The following FUT8 variants were observed in gnomAD, a reference collection of about 807,000 sequenced individuals.
The protein encoded by FUT8 is fucosyltransferase 8.
Under a neutral mutation model 71.3 loss-of-function variants are expected in FUT8, and 29 were observed. The observed-to-expected ratio is 0.41, with a 90% CI of 0.30 to 0.55. FUT8 has a LOEUF of 0.55. Ranked by LOEUF, FUT8 falls within the 20% of genes least tolerant of loss-of-function variation. The pLI is 0.34. For synonymous variants in FUT8, 254 were observed against 239.3 expected (o/e 1.06, Z -0.57); for missense variants, 544 against 702.1 (o/e 0.77, Z 2.55).
At chr14:65,708,968 T>C (rs1894688246) in intron 7 of FUT8, among the ~76,000 whole-genome samples, 1 of 152,196 alleles carries the variant, frequency 6.6e-6, no homozygotes, top group African/African-American at 2.4e-5. Context: ...AATAATAATG[T>C]ATATTTCAAA....
chr14:65,396,129 G>A, the FUT8 span, among the ~76,000 whole-genome samples: 685 of 152,208 alleles, frequency 4.5e-3, 2 homozygotes, highest in Admixed American at 8.5e-3. This position sits in a 1 kb window ranked among gnomAD's most constrained non-coding sequence, Gnocchi z 5.5. Context: ...CAGCATTTTG[G>A]TCACAGACAT....
chr14:65,421,196 A>AG (rs1491054587), intron 1 of FUT8, among the ~76,000 whole-genome samples: 2 of 12,196 alleles, frequency 1.6e-4, no homozygotes, highest in African/African-American at 4.3e-4. Context: ...CATCTCAGGA[A>AG]AAAAAAAAAA....
rs2066368535 is a variant in FUT8 at position 65,483,832 on chromosome 14, A to G, written c.-228+28114A>G. Among the ~76,000 whole-genome samples the G allele has an allele frequency of 6.6e-6, 1 of 151,938 alleles. No homozygotes were observed. Among genetic ancestry groups the G allele is most frequent in the Non-Finnish European group, 1.5e-5 (1 of 68,010 alleles). ...ACTGCAACCTTCACCTTCTGGTTTC[A>G]AGTGATTCTTCTGACTCAGCCTCCT... On this transcript the variant is annotated intron_variant, in intron 2 of 10. Coordinates refer to ENST00000673929, the MANE Select transcript of FUT8 (RefSeq NM_001371533.1). This position sits in a 1 kb window ranked among gnomAD's most constrained non-coding sequence, Gnocchi z 4.4.
At chr14:65,502,663 T>C (rs1036345630) in intron 2 of FUT8, among the ~76,000 whole-genome samples, 4 of 152,178 alleles carry the variant, frequency 2.6e-5, no homozygotes, top group Non-Finnish European at 4.4e-5. Flanking sequence ...TAAATAATGG[T>C]AAAAGTAATG....
At chr14:65,665,947 G>C (rs946362978) in intron 6 of FUT8, among the ~76,000 whole-genome samples, 3 of 152,084 alleles carry the variant, frequency 2.0e-5, no homozygotes, top group African/African-American at 7.2e-5. Context: ...GACAATGGGA[G>C]GAGGGAGAGG....
intron 3 of FUT8, among the ~76,000 whole-genome samples, chr14:65,569,596 ATC>A (rs1178999875): frequency 1.3e-5 from 2 of 151,474 alleles, no homozygotes; most frequent in African/African-American, 2.4e-5. Flanking sequence ...TCCATTTTTC[ATC>A]TGTCTTGTCC....
chr14:65,629,043 C>T (rs1890037060), intron 5 of FUT8, among the ~76,000 whole-genome samples: 1 of 152,066 alleles, frequency 6.6e-6, no homozygotes, highest in Non-Finnish European at 1.5e-5. Context: ...TAAAAATTTT[C>T]CTCTGATCTT....
intron 6 of FUT8, among the ~76,000 whole-genome samples, chr14:65,656,616 A>C (rs1276089740): frequency 6.6e-6 from 1 of 152,226 alleles, no homozygotes; most frequent in African/African-American, 2.4e-5. Flanking sequence ...CACTCTTCAC[A>C]GAAATAGAAA....
chr14:65,724,193 C>T lies in FUT8; in HGVS notation c.1129C>T (p.His377Tyr). ...CAAAGTGGGAACAGAAGCTGCCTTC[C>T]ATCCCATTGAAGAGTACATGGTGCA... Reference protein sequence around the residue: ...TDKVGTEAAFHPIEEYMVHVE... With the variant: ...TDKVGTEAAFYPIEEYMVHVE... The change falls in exon 9 of 11, where the codon CAT becomes TAT. Residue 377 changes from histidine (H) to tyrosine (Y), a missense_variant. Coordinates refer to ENST00000673929, the MANE Select transcript of FUT8 (RefSeq NM_001371533.1). 1 of 1,607,376 alleles carries T rather than the reference C, an allele frequency of 6.2e-7. No homozygotes were observed. Among genetic ancestry groups the T allele is most frequent in the Middle Eastern group, 1.7e-4 (1 of 6,034 alleles).
Position 65,685,492 on chromosome 14 carries a change from A to G in FUT8, c.835+16012A>G, listed in dbSNP as rs79075499. Among the ~76,000 whole-genome samples the G allele has an allele frequency of 1.2e-3, 185 of 152,330 alleles. 5 individuals carry two copies. The East Asian group carries it at 0.032, about 27-fold the overall frequency. ...GAAAGGGGGTCCCAATCCAGACCCC[A>G]AGAGAGGGTTCTTGGATCTCACACG... On this transcript the variant is annotated intron_variant, in intron 7 of 10. Coordinates refer to ENST00000673929, the MANE Select transcript of FUT8 (RefSeq NM_001371533.1).
At chr14:65,737,584 A>G (rs991654116) in intron 10 of FUT8, among the ~76,000 whole-genome samples, 7 of 152,148 alleles carry the variant, frequency 4.6e-5, no homozygotes, top group African/African-American at 1.2e-4. Context: ...TAGGCACAGT[A>G]TCAGAAAGGT....
At chr14:65,501,853 T>G (rs1330430517) in intron 2 of FUT8, among the ~76,000 whole-genome samples, 1 of 151,798 alleles carries the variant, frequency 6.6e-6, no homozygotes, top group Non-Finnish European at 1.5e-5. Context: ...AAAATTAATT[T>G]GTTTAGTTAA....
chr14:65,693,361 G>C (rs1328435323), intron 7 of FUT8, among the ~76,000 whole-genome samples: 2 of 152,250 alleles, frequency 1.3e-5, no homozygotes, highest in Admixed American at 1.3e-4. Context: ...ACGAAAACCA[G>C]TCAGGCGTGG....
At chr14:65,629,682 GTTGTT>G in intron 6 of FUT8, 76 bp downstream of exon 6, 1 of 994,070 alleles carries the variant, frequency 1.0e-6, no homozygotes, top group Non-Finnish European at 1.6e-6. Context: ...AATAATTTCA[GTTGTT>G]TTTAGTCTTC....
chr14:65,487,574 A>AAC (rs1258458544), intron 2 of FUT8, among the ~76,000 whole-genome samples: 20 of 151,896 alleles, frequency 1.3e-4, no homozygotes, highest in African/African-American at 4.8e-4. Context: ...CAAAAAAAAA[A>AAC]AAAAAAAAAA....
intron 1 of FUT8, among the ~76,000 whole-genome samples, chr14:65,442,698 T>C (rs58160832): frequency 0.013 from 2,034 of 151,802 alleles, 41 homozygotes; most frequent in East Asian, 0.092. Context: ...TAGCTGGGCA[T>C]GGTGGTACTT....
At chr14:65,476,974 T>G (rs1445212159) in intron 2 of FUT8, among the ~76,000 whole-genome samples, 1 of 152,242 alleles carries the variant, frequency 6.6e-6, no homozygotes, top group Non-Finnish European at 1.5e-5. Flanking sequence ...ATGATTGAAT[T>G]TTTAGAATTA....
At chr14:65,446,113 A>G (rs918091529) in intron 1 of FUT8, among the ~76,000 whole-genome samples, 2 of 152,230 alleles carry the variant, frequency 1.3e-5, no homozygotes, top group Non-Finnish European at 2.9e-5. Flanking sequence ...GTATATATGT[A>G]TATTTTGAAT....
At chr14:65,704,304 G>T (rs1418326212) in intron 7 of FUT8, among the ~76,000 whole-genome samples, 1 of 151,738 alleles carries the variant, frequency 6.6e-6, no homozygotes, top group African/African-American at 2.4e-5. Flanking sequence ...ATGACATGTA[G>T]TGAAGGAATA....
Sources: allele counts gnomAD v4.1 joint callset (sites outside exome capture counted in the v4.1 genomes callset), GRCh38; gene constraint gnomAD v4.1.1; non-coding constraint Gnocchi (gnomAD v3.1); transcripts MANE v1.5; gene names NCBI Gene and HGNC (gene_info 2026-07-23, HGNC 2026-07-21).